ADAMTSL1: variants seen among roughly 807,000 people sequenced by gnomAD.
ADAMTSL1 encodes the protein ADAMTS-like protein 1.
A neutral mutation model predicts 201.8 loss-of-function variants in ADAMTSL1; 126 were observed. The ratio of observed to expected loss-of-function variants is 0.62; its 90% CI spans 0.54 to 0.72. The LOEUF is 0.72. Among genes scored for constraint, ADAMTSL1 ranks in the 30% least tolerant of loss-of-function variants. The probability of loss-of-function intolerance (pLI) is 0.00; values close to 1 mark genes in which losing one functional copy is unlikely to be tolerated. For missense variants in ADAMTSL1, 2,679 were observed against 2,277.8 expected, an observed-to-expected ratio of 1.18 and a Z score of -3.59; for synonymous variants, 1,121 against 903.4, an observed-to-expected ratio of 1.24 and a Z score of -4.32.
chr9:18,437,443 ACT>A (rs1423406499), intron 2 of ADAMTSL1, among the ~76,000 whole-genome samples: 7 of 151,800 alleles, frequency 4.6e-5, no homozygotes, highest in Non-Finnish European at 7.4e-5. Context: ...GCAGTCTATT[ACT>A]CTGTTTTGCA....
rs1440483712 is a variant in ADAMTSL1 at position 18,310,399 on chromosome 9, A to AAAAAAAAAAAAAAAAAC, written c.207+146418_207+146419insAAAAAAAAAAAAAAAAC. Reference sequence around the variant, plus strand: ...AAAAAAAAAAAAAAAAAAAAAAAAAACTATCTTCAGAGTGAACAGGCAACC... The same window carrying AAAAAAAAAAAAAAAAAC: ...AAAAAAAAAAAAAAAAAAAAAAAAAAAAAAAAAAAAAAAAAACCTATCTTCAGAGTGAACAGGCAACC... On this transcript the variant is annotated intron_variant, in intron 2 of 29. Coordinates refer to the ADAMTSL1 transcript ENST00000680146. Among the ~76,000 whole-genome samples the AAAAAAAAAAAAAAAAAC allele has an allele frequency of 5.4e-4, 69 of 127,404 alleles. 7 individuals are homozygous for AAAAAAAAAAAAAAAAAC. The highest frequency in any genetic ancestry group is 4.4e-3 in the Middle Eastern group (1 of 228). The allele number at this position is 127,404 out of a possible 152,430, so 83.6% of individuals were successfully genotyped here.
upstream of ADAMTSL1, chr9:18,473,877 A>G (rs993021239): frequency 1.3e-5 from 4 of 312,900 alleles, no homozygotes; most frequent in East Asian, 6.7e-5. Flanking sequence ...ATCTTTTGCA[A>G]TTCTGCATCT....
At chr9:18,857,834 C>G (rs13283919) in intron 23 of ADAMTSL1, among the ~76,000 whole-genome samples, 15,372 of 152,174 alleles carry the variant, frequency 0.1, 960 homozygotes, top group Middle Eastern at 0.21. Context: ...AAAACATTCC[C>G]CAGATGCAGC....
intron 1 of ADAMTSL1, among the ~76,000 whole-genome samples, chr9:18,155,133 A>C (rs564678348): frequency 6.6e-6 from 1 of 151,944 alleles, no homozygotes; most frequent in Non-Finnish European, 1.5e-5. Flanking sequence ...ATTTTCTTCT[A>C]TTTTGTTTCC....
At chr9:18,591,438 C>T (rs956702963) in intron 4 of ADAMTSL1, among the ~76,000 whole-genome samples, 12 of 152,046 alleles carry the variant, frequency 7.9e-5, no homozygotes, top group African/African-American at 2.7e-4. Flanking sequence ...TTGTTTACAG[C>T]GTATAGTTGG....
At chr9:17,965,925 A>T (rs1817963862) in intron 1 of ADAMTSL1, among the ~76,000 whole-genome samples, 1 of 152,178 alleles carries the variant, frequency 6.6e-6, no homozygotes, top group Non-Finnish European at 1.5e-5. Context: ...CTAGCCAGGA[A>T]CTATGGCCTG....
chr9:18,598,994 C>T (rs752782575), intron 4 of ADAMTSL1, among the ~76,000 whole-genome samples: 4 of 152,076 alleles, frequency 2.6e-5, no homozygotes, highest in Admixed American at 6.6e-5. Flanking sequence ...CTCTCTGCCC[C>T]ACAGGTTCTC....
At chr9:18,713,318 A>G (rs1587960643) in intron 14 of ADAMTSL1, among the ~76,000 whole-genome samples, 1 of 152,352 alleles carries the variant, frequency 6.6e-6, no homozygotes, top group East Asian at 1.9e-4. Flanking sequence ...TTGGATAAAG[A>G]GTCAAGACCC....
chr9:18,371,754 G>A (rs1426353040), intron 2 of ADAMTSL1, among the ~76,000 whole-genome samples: 1 of 152,178 alleles, frequency 6.6e-6, no homozygotes, highest in Non-Finnish European at 1.5e-5. Flanking sequence ...AGGATGTGAG[G>A]AGGCAAATCT....
At position 18,867,501 on chromosome 9, in the gene ADAMTSL1, G is replaced by T. The variant is rs192975667; in HGVS notation, c.4250-20330G>T. Among the ~76,000 whole-genome samples, 608 of 152,154 alleles carry T rather than the reference G, an allele frequency of 4.0e-3. 6 individuals are homozygous for T. The highest frequency in any genetic ancestry group is 0.014 in the African/African-American group (564 of 41,496). ...ACATATATACAAAATAAACCTGATGGTATATAAGAGAACCCCCATGCCCTA... is the reference window on the plus strand; with the variant it reads ...ACATATATACAAAATAAACCTGATGTTATATAAGAGAACCCCCATGCCCTA... On this transcript the variant is annotated intron_variant, in intron 23 of 28. Transcript: ENST00000380548.
chr9:18,770,524 A>T, intron 16 of ADAMTSL1, 78 bp from the exon 17 acceptor site: 2 of 1,400,476 alleles, frequency 1.4e-6, no homozygotes, highest in Non-Finnish European at 1.9e-6. Context: ...ACTCTGCCAA[A>T]TTAAGATAAG....
At position 18,647,927 on chromosome 9, in the gene ADAMTSL1, A is replaced by G. The variant is rs1000553049; in HGVS notation, c.834+8516A>G. 1.1e-4 allele frequency among the ~76,000 whole-genome samples: 17 copies of G among 150,120 alleles called. 1 individual carries two copies. Among genetic ancestry groups the G allele is most frequent in the African/African-American group, 3.7e-4 (15 of 41,066 alleles). On this transcript the variant is annotated intron_variant, in intron 7 of 28. Transcript: ENST00000380548. ...TCCGCTTGGTGCAGAGCTGAGTTCA[A>G]TTCCTGGGTATCCTTTTTGACTTTC...
At chr9:18,622,525 C>G in intron 5 of ADAMTSL1, 156 bp downstream of exon 5, 4 of 1,154,422 alleles carry the variant, frequency 3.5e-6, no homozygotes, top group Non-Finnish European at 4.8e-6. Flanking sequence ...TGTGAATTAG[C>G]TTAGGTGGGA....
At chr9:18,098,098 A>G (rs1452422294) in intron 1 of ADAMTSL1, among the ~76,000 whole-genome samples, 1 of 152,038 alleles carries the variant, frequency 6.6e-6, no homozygotes, top group African/African-American at 2.4e-5. Context: ...CCAATCTCCC[A>G]TTGAATTACA....
chr9:17,982,176 T>C (rs1314731642), intron 1 of ADAMTSL1, among the ~76,000 whole-genome samples: 1 of 152,210 alleles, frequency 6.6e-6, no homozygotes, highest in African/African-American at 2.4e-5. Flanking sequence ...ATACACATCT[T>C]ATACACATTC....
intron 4 of ADAMTSL1, among the ~76,000 whole-genome samples, chr9:18,575,365 A>T (rs534967653): frequency 6.6e-6 from 1 of 152,188 alleles, no homozygotes; most frequent in Non-Finnish European, 1.5e-5. Flanking sequence ...CTGATGAAAC[A>T]TATCTTAAGG....
At chr9:18,002,698 C>T (rs1051117087) in intron 1 of ADAMTSL1, among the ~76,000 whole-genome samples, 1 of 151,958 alleles carries the variant, frequency 6.6e-6, no homozygotes, top group Admixed American at 6.6e-5. Context: ...TCATATAATA[C>T]ACTCAGTGAG....
At chr9:18,615,675 C>T (rs1825659743) in intron 4 of ADAMTSL1, among the ~76,000 whole-genome samples, 1 of 152,100 alleles carries the variant, frequency 6.6e-6, no homozygotes, top group Non-Finnish European at 1.5e-5. Flanking sequence ...TGAAATCATT[C>T]AAATCTTAAG....
intron 7 of ADAMTSL1, among the ~76,000 whole-genome samples, chr9:18,641,210 A>C (rs901986277): frequency 6.6e-6 from 1 of 151,894 alleles, no homozygotes; most frequent in Non-Finnish European, 1.5e-5. Flanking sequence ...CTTCTTCAAG[A>C]TCTCCTCCTT....
Sources: allele counts gnomAD v4.1 joint callset (sites outside exome capture counted in the v4.1 genomes callset), GRCh38; gene constraint gnomAD v4.1.1; transcripts MANE v1.5; gene names NCBI Gene and HGNC (gene_info 2026-07-23, HGNC 2026-07-21).